The following XKR4 variants were observed in gnomAD, a reference collection of about 807,000 sequenced individuals.
The protein encoded by XKR4 is XK-related protein 4.
XKR4 carries 12 observed loss-of-function variants against 53.9 expected under a neutral mutation model. The observed-to-expected ratio is 0.22, with a 90% CI of 0.14 to 0.36. The LOEUF (loss-of-function observed/expected upper bound fraction) is 0.36. XKR4 is among the 10% of genes least tolerant of loss of function. The probability of loss-of-function intolerance (pLI) is 1.00; values close to 1 mark genes in which losing one functional copy is unlikely to be tolerated. For synonymous variants in XKR4, 354 were observed against 362.4 expected (o/e 0.98, Z 0.26); for missense variants, 799 against 859.5 (o/e 0.93, Z 0.88).
At chr8:55,198,645 G>T (rs1176058001) in intron 1 of XKR4, among the ~76,000 whole-genome samples, 3 of 152,058 alleles carry the variant, frequency 2.0e-5, no homozygotes, top group Non-Finnish European at 4.4e-5. Context: ...TACTGATTTT[G>T]CTAGAAAAAT....
chr8:55,225,742 C>T (rs185705806), intron 1 of XKR4, among the ~76,000 whole-genome samples: 2 of 152,348 alleles, frequency 1.3e-5, no homozygotes, highest in Non-Finnish European at 2.9e-5. Flanking sequence ...AATAAGATGA[C>T]ATTGCCCTGC....
intron 2 of XKR4, among the ~76,000 whole-genome samples, chr8:55,399,772 G>A (rs1300842452): frequency 6.6e-6 from 1 of 152,202 alleles, no homozygotes; most frequent in East Asian, 1.9e-4. Context: ...TAGGAGGGCT[G>A]GGCAAGGCGA....
chr8:55,436,589 G>A (rs1349887150), intron 2 of XKR4, among the ~76,000 whole-genome samples: 1 of 152,222 alleles, frequency 6.6e-6, no homozygotes, highest in East Asian at 1.9e-4. Flanking sequence ...AACTCAAAGA[G>A]GACTTTTCTT....
chr8:55,507,348 T>G (rs1185955399), intron 2 of XKR4, among the ~76,000 whole-genome samples: 12 of 149,782 alleles, frequency 8.0e-5, no homozygotes, highest in Non-Finnish European at 1.8e-4. Flanking sequence ...TTATTATTAC[T>G]GTTGGATTTT....
chr8:55,204,582 C>G (rs1817618282), intron 1 of XKR4, among the ~76,000 whole-genome samples: 1 of 152,134 alleles, frequency 6.6e-6, no homozygotes, highest in African/African-American at 2.4e-5. Flanking sequence ...GTCTGCAACT[C>G]TTTTCTACAC....
intron 1 of XKR4, among the ~76,000 whole-genome samples, chr8:55,212,887 T>C (rs1817749307): frequency 6.6e-6 from 1 of 152,218 alleles, no homozygotes; most frequent in Non-Finnish European, 1.5e-5. Context: ...ATAGGAATTA[T>C]TTTAAAATAT....
chr8:55,326,637 A>C (rs1226352966), intron 1 of XKR4, among the ~76,000 whole-genome samples: 1 of 151,152 alleles, frequency 6.6e-6, no homozygotes, highest in East Asian at 2.0e-4. Context: ...TGCCTGGATA[A>C]TTTTTGTACT....
chr8:55,112,114 T>C (rs950399456), intron 1 of XKR4, among the ~76,000 whole-genome samples: 4 of 152,234 alleles, frequency 2.6e-5, no homozygotes, highest in African/African-American at 9.6e-5. Context: ...AGATTTAAAA[T>C]TTTTAAAAAC....
chr8:55,356,845 CA>C (rs2129384287), intron 1 of XKR4, among the ~76,000 whole-genome samples: 1 of 152,242 alleles, frequency 6.6e-6, no homozygotes, highest in East Asian at 1.9e-4. Context: ...ACAGCAAAAC[CA>C]ACCCCTCCTC....
intron 1 of XKR4, among the ~76,000 whole-genome samples, chr8:55,263,800 AAC>A (rs1416089797): frequency 6.6e-6 from 1 of 152,198 alleles, no homozygotes; most frequent in Non-Finnish European, 1.5e-5. Flanking sequence ...TGCAGACTAA[AAC>A]ACAGCACTTG....
At chr8:55,247,044 T>C (rs1209841357) in intron 1 of XKR4, among the ~76,000 whole-genome samples, 2 of 152,238 alleles carry the variant, frequency 1.3e-5, no homozygotes, top group Non-Finnish European at 2.9e-5. Context: ...TGTACTCCCT[T>C]AGGAAACCAG....
chr8:55,229,824 T>C (rs1294206453), intron 1 of XKR4, among the ~76,000 whole-genome samples: 2 of 152,034 alleles, frequency 1.3e-5, no homozygotes, highest in African/African-American at 4.8e-5. Context: ...CTTATGCATC[T>C]ACCATATCCT....
chr8:55,341,617 A>C (rs971818533), intron 1 of XKR4, among the ~76,000 whole-genome samples: 3 of 152,254 alleles, frequency 2.0e-5, no homozygotes, highest in African/African-American at 4.8e-5. Context: ...CCACCAAAAA[A>C]AGATGACCAA....
In XKR4 at chr8:55,500,776, A is replaced by T. The variant is rs1206863614; in HGVS notation, c.1007-22505A>T. On this transcript the variant is annotated intron_variant, in intron 2 of 2. Coordinates refer to ENST00000327381, the MANE Select transcript of XKR4 (RefSeq NM_052898.2). Reference sequence around the variant, plus strand: ...ATTTAACCCTGCAAAACCCCTAAAAAATTAATGTTGCTATCCCTATTCCAC... The same window carrying T: ...ATTTAACCCTGCAAAACCCCTAAAATATTAATGTTGCTATCCCTATTCCAC... Among the ~76,000 whole-genome samples, 3 of 152,186 alleles carry T rather than the reference A, an allele frequency of 2.0e-5. No homozygotes were observed. In the East Asian group the frequency reaches 5.8e-4, roughly 29 times the overall value.
At chr8:55,153,283 T>C (rs1816862915) in intron 1 of XKR4, among the ~76,000 whole-genome samples, 1 of 152,176 alleles carries the variant, frequency 6.6e-6, no homozygotes, top group South Asian at 2.1e-4. Flanking sequence ...GGAGCAAACA[T>C]CAAAAAATAG....
At chr8:55,246,238 G>A (rs1428311153) in intron 1 of XKR4, among the ~76,000 whole-genome samples, 2 of 152,192 alleles carry the variant, frequency 1.3e-5, no homozygotes, top group Non-Finnish European at 1.5e-5. Context: ...GTCTGAAAGA[G>A]GACTTAGAGC....
At chr8:55,195,586 T>A (rs1435007120) in intron 1 of XKR4, among the ~76,000 whole-genome samples, 2 of 152,124 alleles carry the variant, frequency 1.3e-5, no homozygotes, top group African/African-American at 2.4e-5. Flanking sequence ...CGTTTACATA[T>A]TTTTAAAATG....
At chr8:55,381,862 C>T (rs1733033594) in intron 2 of XKR4, among the ~76,000 whole-genome samples, 1 of 152,220 alleles carries the variant, frequency 6.6e-6, no homozygotes, top group South Asian at 2.1e-4. Context: ...TATACCCACA[C>T]ATGGAATGTG....
At chr8:55,445,343 C>T (rs2129395398) in intron 2 of XKR4, among the ~76,000 whole-genome samples, 1 of 152,274 alleles carries the variant, frequency 6.6e-6, no homozygotes, top group East Asian at 1.9e-4. Context: ...AGGTGTGAGC[C>T]ACCATGCCCG....
Sources: gnomAD v4.1 joint callset for allele counts (sites outside exome capture counted in the v4.1 genomes callset) on GRCh38, gnomAD v4.1.1 for gene constraint, MANE v1.5 for transcripts, NCBI Gene and HGNC (gene_info 2026-07-23, HGNC 2026-07-21) for gene names.